The following UGT1A6 variants were observed in gnomAD, a reference collection of about 807,000 sequenced individuals.
The protein encoded by UGT1A6 is UDP-glucuronosyltransferase 1A6.
Under a neutral mutation model 44.4 loss-of-function variants are expected in UGT1A6, and 32 were observed. That is an observed-to-expected ratio of 0.72 (90% CI 0.54 to 0.97). The LOEUF is 0.97. Among genes scored for constraint, UGT1A6 ranks in the 50% least tolerant of loss-of-function variants. The pLI is 0.00. For missense variants in UGT1A6, 685 were observed against 661.9 expected, an observed-to-expected ratio of 1.03 and a Z score of -0.38; for synonymous variants, 238 against 248.5, an observed-to-expected ratio of 0.96 and a Z score of 0.40.
chr2:233,698,747 A>G (rs2075459836), intron 1 of UGT1A6, among the ~76,000 whole-genome samples: 1 of 152,228 alleles, frequency 6.6e-6, no homozygotes, highest in Non-Finnish European at 1.5e-5. Context: ...TTTTTTACAT[A>G]ATGCTATGAT....
chr2:233,713,513 G>T (rs1275853145), intron 1 of UGT1A6: 1 of 1,613,912 alleles, frequency 6.2e-7, no homozygotes, highest in East Asian at 2.2e-5. Context: ...TTTTCTTGAG[G>T]AACATTCCAT....
At chr2:233,761,970 T>C (rs1029002470) in intron 1 of UGT1A6, among the ~76,000 whole-genome samples, 6 of 152,224 alleles carry the variant, frequency 3.9e-5, no homozygotes, top group Non-Finnish European at 8.8e-5. Context: ...GGGACTGATA[T>C]CACCTTCGGA....
chr2:233,756,601 A>G (rs1696268124), intron 1 of UGT1A6, among the ~76,000 whole-genome samples: 1 of 152,212 alleles, frequency 6.6e-6, no homozygotes, highest in Admixed American at 6.5e-5. Context: ...TACTGTATCG[A>G]AACCATTAAG....
At chr2:233,705,110 T>A (rs896314646) in intron 1 of UGT1A6, among the ~76,000 whole-genome samples, 45 of 146,348 alleles carry the variant, frequency 3.1e-4, no homozygotes, top group African/African-American at 1.2e-3. Flanking sequence ...CACGCCAGCC[T>A]GGGGGACAAG....
intron 1 of UGT1A6, among the ~76,000 whole-genome samples, chr2:233,761,774 C>T (rs1257781750): frequency 1.3e-5 from 2 of 152,222 alleles, no homozygotes; most frequent in Non-Finnish European, 2.9e-5. Context: ...GCATTCACAT[C>T]CTCATCGAAA....
chr2:233,719,047 C>T (rs970652650), intron 1 of UGT1A6: 1 of 1,614,252 alleles, frequency 6.2e-7, no homozygotes, highest in Non-Finnish European at 8.5e-7. Flanking sequence ...AAATTTTTCA[C>T]CCTGACAGCC....
At chr2:233,718,710 T>C in intron 1 of UGT1A6, 1 of 1,606,198 alleles carries the variant, frequency 6.2e-7, no homozygotes, top group Admixed American at 1.7e-5. Flanking sequence ...TGTCTTCCAA[T>C]TACATGCTGA....
intron 1 of UGT1A6, among the ~76,000 whole-genome samples, chr2:233,696,279 C>T (rs537707708): frequency 2.6e-5 from 4 of 152,226 alleles, no homozygotes; most frequent in Admixed American, 6.5e-5. Context: ...ATAAAGAAAA[C>T]GTAGGACTGT....
rs528561296 is a variant in UGT1A6 at position 233,741,118 on chromosome 2, C to T, written c.862-25916C>T. On this transcript the variant is annotated intron_variant, in intron 1 of 4. Transcript: ENST00000305139. Reference sequence around the variant, plus strand: ...AAACAGACAATCAAGCTTTACACTTCTATAAAAGCAACACTTTCCATTTAT... The same window carrying T: ...AAACAGACAATCAAGCTTTACACTTTTATAAAAGCAACACTTTCCATTTAT... Among the ~76,000 whole-genome samples the T allele has an allele frequency of 4.6e-4, 70 of 151,828 alleles. 2 individuals are homozygous for T. Among genetic ancestry groups the T allele is most frequent in the African/African-American group, 1.6e-3 (68 of 41,226 alleles).
chr2:233,754,732 C>T (rs561827604), intron 1 of UGT1A6: 4 of 641,140 alleles, frequency 6.2e-6, no homozygotes, highest in African/African-American at 5.6e-5. Flanking sequence ...CCATCACTAC[C>T]GTAGGACATG....
chr2:233,761,750 G>A (rs1428006312), intron 1 of UGT1A6, among the ~76,000 whole-genome samples: 1 of 152,244 alleles, frequency 6.6e-6, no homozygotes, highest in Non-Finnish European at 1.5e-5. Context: ...AGAGTTTGAA[G>A]TATGCAAAAA....
chr2:233,728,632 C>G (rs1273558536), intron 1 of UGT1A6, among the ~76,000 whole-genome samples: 1 of 152,160 alleles, frequency 6.6e-6, no homozygotes, highest in Non-Finnish European at 1.5e-5. Context: ...GCTGGCTTAG[C>G]AATGTTGTAT....
At position 233,754,981 on chromosome 2, in the gene UGT1A6, C is replaced by T. The variant is rs561889596; in HGVS notation, c.862-12053C>T. On this transcript the variant is annotated intron_variant, in intron 1 of 4. Transcript: ENST00000305139. The stretch of plus-strand genomic sequence containing the variant: ...CCAAAGAACTCCCTGAAGACCTCGG[C>T]GGGGTCACGGAAGCTGAAGACCTAC... 29 of 1,295,892 alleles carry T rather than the reference C, an allele frequency of 2.2e-5. No homozygotes were observed. In the African/African-American group the frequency reaches 3.3e-4, roughly 15 times the overall value. The allele number at this position is 1,295,892 out of a possible 1,614,324, so 80.3% of individuals were successfully genotyped here.
chr2:233,759,382 A>C (rs1049531519), intron 1 of UGT1A6, among the ~76,000 whole-genome samples: 4 of 152,150 alleles, frequency 2.6e-5, no homozygotes, highest in Non-Finnish European at 2.9e-5. Context: ...GGTTTTCAGG[A>C]TACTCAGAGT....
rs563709972 is a variant in UGT1A6, at chr2:233,755,474, T to C, written c.862-11560T>C. On this transcript the variant is annotated intron_variant, in intron 1 of 4. Coordinates refer to ENST00000305139, the MANE Select transcript of UGT1A6 (RefSeq NM_001072.4). ...GGACTGGCCCTGCTCTCTGTGAGGCTCTGTGAGGCCCTGTGATGCTCCAAG... is the reference window on the plus strand; with the variant it reads ...GGACTGGCCCTGCTCTCTGTGAGGCCCTGTGAGGCCCTGTGATGCTCCAAG... 5.5e-5 allele frequency: 13 copies of C among 237,114 alleles called. 1 individual carries two copies. The South Asian group carries it at 7.1e-4, about 13-fold the overall frequency. The allele number at this position is 237,114 out of a possible 1,614,324, so 14.7% of individuals were successfully genotyped here.
intron 1 of UGT1A6, among the ~76,000 whole-genome samples, chr2:233,704,131 T>A (rs2075768920): frequency 6.6e-6 from 1 of 152,080 alleles, no homozygotes; most frequent in Non-Finnish European, 1.5e-5. Context: ...CCTCAAGTGA[T>A]CCACCCGCCT....
At chr2:233,716,354 T>C (rs1201457600) in intron 1 of UGT1A6, among the ~76,000 whole-genome samples, 6 of 152,254 alleles carry the variant, frequency 3.9e-5, no homozygotes, top group Admixed American at 2.6e-4. Context: ...ACAATGTAGA[T>C]ACTTTGTGGG....
chr2:233,706,288 G>GT (rs143392067), intron 1 of UGT1A6, among the ~76,000 whole-genome samples: 2,206 of 152,350 alleles, frequency 0.014, 39 homozygotes, highest in South Asian at 0.042. Flanking sequence ...GTGGGGCCCA[G>GT]TGCCAGGTAC....
At chr2:233,745,472 G>A (rs1454081365) in intron 1 of UGT1A6, among the ~76,000 whole-genome samples, 1 of 151,704 alleles carries the variant, frequency 6.6e-6, no homozygotes, top group Non-Finnish European at 1.5e-5. Context: ...AGGGGAAAAT[G>A]ATTAACCAAA....
Sources: allele counts gnomAD v4.1 joint callset (sites outside exome capture counted in the v4.1 genomes callset), GRCh38; gene constraint gnomAD v4.1.1; transcripts MANE v1.5; gene names NCBI Gene and HGNC (gene_info 2026-07-23, HGNC 2026-07-21).